Variants in LUC7L2 observed in about 807,000 individuals in gnomAD.
The protein encoded by LUC7L2 is putative RNA-binding protein Luc7-like 2.
In LUC7L2, 25 loss-of-function variants were observed where a neutral mutation model predicts 52.8. The ratio of observed to expected loss-of-function variants is 0.47; its 90% CI spans 0.34 to 0.66. The LOEUF (loss-of-function observed/expected upper bound fraction) is 0.66. LUC7L2 is among the 30% of genes least tolerant of loss of function. The probability of loss-of-function intolerance (pLI) is 0.01; values close to 1 mark genes in which losing one functional copy is unlikely to be tolerated. For missense variants in LUC7L2, 328 were observed against 497.8 expected (o/e 0.66, Z 3.25); for synonymous variants, 144 against 160.9 (o/e 0.89, Z 0.80).
At chr7:139,417,229 CAG>C (rs1012014344) in intron 8 of LUC7L2, 12 of 242,844 alleles carry the variant, frequency 4.9e-5, no homozygotes, top group Non-Finnish European at 8.3e-5. Flanking sequence ...TTTATAGAGA[CAG>C]AGTTTCGCCA....
chr7:139,402,432 A>G (rs949624522), intron 4 of LUC7L2, among the ~76,000 whole-genome samples, 185 bp downstream of exon 4: 2 of 152,204 alleles, frequency 1.3e-5, no homozygotes, highest in Admixed American at 1.3e-4. Context: ...ATAAATTGAC[A>G]TTGGTCTAAT....
intron 1 of LUC7L2, chr7:139,371,527 T>G: frequency 6.6e-7 from 1 of 1,525,412 alleles, no homozygotes; most frequent in South Asian, 1.2e-5. Context: ...TTTGGTTTCT[T>G]GTTTGTATGG....
intron 5 of LUC7L2, 78 bp downstream of exon 5, chr7:139,405,865 G>A: frequency 1.4e-6 from 2 of 1,464,954 alleles, no homozygotes; most frequent in Non-Finnish European, 9.0e-7. Context: ...TGAAACTTCA[G>A]TATCTATACT....
At chr7:139,387,692 A>G (rs1569379921) in intron 2 of LUC7L2, among the ~76,000 whole-genome samples, 1 of 152,204 alleles carries the variant, frequency 6.6e-6, no homozygotes, top group African/African-American at 2.4e-5. Flanking sequence ...GTACTGAAAA[A>G]TCTAAAATAC....
exon 1 of LUC7L2, chr7:139,340,500 A>C (rs1018564031): frequency 2.3e-5 from 9 of 398,436 alleles, no homozygotes; most frequent in African/African-American, 4.1e-5. Flanking sequence ...CGTCCGGAGC[A>C]TCGGTGCAGT....
chr7:139,396,192 C>CA (rs1353561334), intron 2 of LUC7L2, among the ~76,000 whole-genome samples: 1 of 151,992 alleles, frequency 6.6e-6, no homozygotes, highest in Non-Finnish European at 1.5e-5. Flanking sequence ...TGTAATCCAG[C>CA]ATTGGGAGGC....
upstream of LUC7L2, among the ~76,000 whole-genome samples, chr7:139,358,078 G>C (rs1799661629): frequency 6.6e-6 from 1 of 151,954 alleles, no homozygotes; most frequent in African/African-American, 2.4e-5. Flanking sequence ...CATAATCTCG[G>C]CTTACTGCAA....
upstream of LUC7L2, chr7:139,359,845 C>A: frequency 2.4e-6 from 1 of 410,786 alleles, no homozygotes; most frequent in Non-Finnish European, 4.3e-6. Context: ...AGCTGGACGC[C>A]AGTTGGTGGA....
At chr7:139,402,017 C>A in intron 3 of LUC7L2, 120 bp from the exon 4 acceptor site, 3 of 1,046,824 alleles carry the variant, frequency 2.9e-6, no homozygotes, top group Non-Finnish European at 3.9e-6. Context: ...CAATTACTGA[C>A]GTGAGCCACC....
chr7:139,384,562 G>C (rs1017529516), intron 2 of LUC7L2, among the ~76,000 whole-genome samples: 5 of 152,046 alleles, frequency 3.3e-5, no homozygotes, highest in Non-Finnish European at 7.4e-5. Flanking sequence ...AATGCATTTG[G>C]TGCCCAGGAA....
At chr7:139,415,577 T>A (rs1795556757) in intron 8 of LUC7L2, among the ~76,000 whole-genome samples, 1 of 65,502 alleles carries the variant, frequency 1.5e-5, no homozygotes, top group East Asian at 3.2e-4. Flanking sequence ...ATAACGCTTT[T>A]TTTTTTTTTT....
chr7:139,404,552 CATATT>C (rs1569389298), intron 4 of LUC7L2, among the ~76,000 whole-genome samples: 2 of 152,170 alleles, frequency 1.3e-5, no homozygotes, highest in Admixed American at 6.5e-5. Context: ...TCTTTGCTAA[CATATT>C]ATAATTGGCC....
chr7:139,397,277 C>A (rs1418087852), intron 2 of LUC7L2, among the ~76,000 whole-genome samples: 8 of 152,184 alleles, frequency 5.3e-5, no homozygotes, highest in African/African-American at 7.2e-5. Flanking sequence ...CTCTTTAGAT[C>A]CAGTTTAATT....
At chr7:139,413,167 G>A (rs1199228373) in intron 8 of LUC7L2, among the ~76,000 whole-genome samples, 1 of 152,172 alleles carries the variant, frequency 6.6e-6, no homozygotes, top group East Asian at 1.9e-4. Flanking sequence ...TTGACTTTCA[G>A]CGTTAATATT....
intron 2 of LUC7L2, among the ~76,000 whole-genome samples, chr7:139,384,177 A>T (rs993883829): frequency 6.6e-5 from 10 of 152,164 alleles, no homozygotes; most frequent in Non-Finnish European, 1.3e-4. Context: ...GGTATTATTT[A>T]AGGGTTTAAG....
At chr7:139,421,372 A>G (rs1261727599) in intron 9 of LUC7L2, among the ~76,000 whole-genome samples, 3 of 152,212 alleles carry the variant, frequency 2.0e-5, no homozygotes, top group Non-Finnish European at 4.4e-5. Context: ...TAGATGTTGG[A>G]AGTATGGAAG....
In LUC7L2 at chr7:139,422,613, T is replaced by C; in HGVS notation, c.*273T>C. On this transcript the variant is annotated 3_prime_UTR_variant, in exon 10 of 10. Transcript: ENST00000354926. ...TCTTTATTCTTTCAAGTAAGAGTGC[T>C]AGTGAACAAATTGTGTTACTTGCCT... The C allele has an allele frequency of 1.6e-6, 1 of 625,392 alleles. No homozygotes were observed. Among genetic ancestry groups the C allele is most frequent in the Non-Finnish European group, 2.3e-6 (1 of 432,066 alleles). The allele number at this position is 625,392 out of a possible 1,614,324, so 38.7% of individuals were successfully genotyped here.
At chr7:139,386,337 C>T (rs1794190936) in intron 2 of LUC7L2, among the ~76,000 whole-genome samples, 1 of 151,596 alleles carries the variant, frequency 6.6e-6, no homozygotes, top group Admixed American at 6.6e-5. Context: ...TAACCACAAA[C>T]ATCAAGCACA....
intron 4 of LUC7L2, among the ~76,000 whole-genome samples, chr7:139,404,526 C>A (rs946491463): frequency 6.6e-6 from 1 of 152,072 alleles, no homozygotes; most frequent in African/African-American, 2.4e-5. Context: ...ACAATAACAA[C>A]AAAAAATTAA....
Sources: gnomAD v4.1 joint callset for allele counts (sites outside exome capture counted in the v4.1 genomes callset) on GRCh38, gnomAD v4.1.1 for gene constraint, MANE v1.5 for transcripts, NCBI Gene and HGNC (gene_info 2026-07-23, HGNC 2026-07-21) for gene names.